SYT1: variants seen among roughly 807,000 people sequenced by gnomAD.
SYT1 encodes the protein synaptotagmin-1.
SYT1 carries 8 observed loss-of-function variants against 44.8 expected under a neutral mutation model. The observed-to-expected ratio is 0.18, with a 90% confidence interval of 0.10 to 0.32. The LOEUF (loss-of-function observed/expected upper bound fraction) is 0.32. SYT1 is among the 10% of genes least tolerant of loss of function. SYT1 has a pLI of 1.00. For missense variants in SYT1, 286 were observed against 509.3 expected (o/e 0.56, Z 4.22); for synonymous variants, 154 against 188.8 (o/e 0.82, Z 1.51).
chr12:79,313,363 C>A (rs1005142448), intron 8 of SYT1, among the ~76,000 whole-genome samples: 2 of 152,114 alleles, frequency 1.3e-5, no homozygotes, highest in Non-Finnish European at 2.9e-5. Context: ...CTGAGGCAGA[C>A]CAAAGGTAAA....
At chr12:79,179,332 AGATAT>A (rs1198913954) in intron 3 of SYT1, among the ~76,000 whole-genome samples, 8 of 118,888 alleles carry the variant, frequency 6.7e-5, no homozygotes, top group African/African-American at 2.0e-4. Context: ...ATATAGATAT[AGATAT>A]ATCGATATGT....
chr12:79,119,243 G>T (rs896986125), intron 3 of SYT1, among the ~76,000 whole-genome samples: 2 of 152,076 alleles, frequency 1.3e-5, no homozygotes, highest in Non-Finnish European at 2.9e-5. Flanking sequence ...CCTGAACTTT[G>T]TCCTCCATAC....
chr12:79,286,645 C>G (rs943546808), intron 5 of SYT1, among the ~76,000 whole-genome samples: 1 of 152,118 alleles, frequency 6.6e-6, no homozygotes, highest in African/African-American at 2.4e-5. Flanking sequence ...GCTGGGTTAT[C>G]TTTCCAAGCC....
chr12:79,246,161 GA>G (rs1164637503), intron 4 of SYT1, among the ~76,000 whole-genome samples: 1 of 152,092 alleles, frequency 6.6e-6, no homozygotes, highest in African/African-American at 2.4e-5. Context: ...TCTTAATGAA[GA>G]ACAGAATCTG....
chr12:78,936,027 C>G (rs1239869245), intron 1 of SYT1, among the ~76,000 whole-genome samples: 1 of 151,956 alleles, frequency 6.6e-6, no homozygotes, highest in Non-Finnish European at 1.5e-5. Flanking sequence ...ATAGCCAAGG[C>G]AAGCCTTTGG....
chr12:78,953,531 T>C (rs988379883), intron 1 of SYT1, among the ~76,000 whole-genome samples: 9 of 152,114 alleles, frequency 5.9e-5, no homozygotes, highest in Admixed American at 5.9e-4. Flanking sequence ...CTTGCCCCGT[T>C]TAAGGAGCTT....
At chr12:79,219,426 A>T (rs1370491062) in intron 4 of SYT1, among the ~76,000 whole-genome samples, 1 of 152,040 alleles carries the variant, frequency 6.6e-6, no homozygotes, top group Non-Finnish European at 1.5e-5. Flanking sequence ...GTTATTGTCA[A>T]GACCATGTCA....
intron 2 of SYT1, among the ~76,000 whole-genome samples, chr12:78,996,918 A>G (rs1468646617): frequency 2.0e-5 from 3 of 152,242 alleles, no homozygotes; most frequent in Non-Finnish European, 2.9e-5. Flanking sequence ...GGTAAGTCAT[A>G]GAAACCATGT....
At chr12:78,929,951 T>C (rs1028979719) in intron 1 of SYT1, among the ~76,000 whole-genome samples, 1 of 152,128 alleles carries the variant, frequency 6.6e-6, no homozygotes, top group African/African-American at 2.4e-5. Flanking sequence ...AGAAAGCTCA[T>C]GTTTCTGTGA....
Position 79,362,862 on chromosome 12 carries a change from C to T in SYT1, c.928+9243C>T, listed in dbSNP as rs574401361. ...ATTCTTTGTCAAATTTTCTTTACTA[C>T]TTTACATTTGGGTTGTAAATACGTG... On this transcript the variant is annotated intron_variant, in intron 9 of 10. Transcript: ENST00000261205. 2.0e-5 allele frequency among the ~76,000 whole-genome samples: 3 copies of T among 152,308 alleles called. No homozygotes were observed. The East Asian group carries it at 5.8e-4, about 29-fold the overall frequency.
intron 9 of SYT1, among the ~76,000 whole-genome samples, chr12:79,432,158 C>T (rs892357907): frequency 2.0e-5 from 3 of 151,240 alleles, no homozygotes; most frequent in African/African-American, 7.3e-5. Context: ...ATTATTAATA[C>T]TATAAAATTT....
At chr12:79,204,160 G>A (rs557023355) in intron 3 of SYT1, among the ~76,000 whole-genome samples, 1 of 152,174 alleles carries the variant, frequency 6.6e-6, no homozygotes, top group Non-Finnish European at 1.5e-5. Flanking sequence ...TTTATTTTGT[G>A]AGCATTATAT....
intron 9 of SYT1, among the ~76,000 whole-genome samples, chr12:79,403,839 A>G (rs1037175462): frequency 5.3e-5 from 8 of 152,136 alleles, no homozygotes; most frequent in African/African-American, 1.9e-4. Flanking sequence ...GGGCCCAGGA[A>G]TTTGTGAATA....
At chr12:79,390,796 CTTAA>C (rs1884628351) in intron 9 of SYT1, among the ~76,000 whole-genome samples, 1 of 152,186 alleles carries the variant, frequency 6.6e-6, no homozygotes, top group Admixed American at 6.5e-5. Context: ...GTCCCATTGG[CTTAA>C]TTTTCATGTG....
Position 79,346,009 on chromosome 12 carries a change from A to G in SYT1, c.811-7493A>G, listed in dbSNP as rs186360946. On this transcript the variant is annotated intron_variant, in intron 8 of 10. Transcript: ENST00000261205. ...TCTTCTTACAATTAACATAAATAGA[A>G]TGTCCTTTTAAAATGTCACAGCATT... Among the ~76,000 whole-genome samples the G allele has an allele frequency of 3.0e-3, 461 of 152,318 alleles. 4 individuals are homozygous for G. Among genetic ancestry groups the G allele is most frequent in the Non-Finnish European group, 2.3e-3 (157 of 68,016 alleles).
At chr12:79,056,480 T>C (rs1874953457) in intron 3 of SYT1, among the ~76,000 whole-genome samples, 1 of 152,030 alleles carries the variant, frequency 6.6e-6, no homozygotes, top group Admixed American at 6.6e-5. Flanking sequence ...TTCGTGGCCC[T>C]AGAAGTAGGC....
intron 4 of SYT1, among the ~76,000 whole-genome samples, chr12:79,263,413 TTG>T (rs1289458491): frequency 6.6e-6 from 1 of 152,172 alleles, no homozygotes; most frequent in African/African-American, 2.4e-5. Flanking sequence ...CCACTATATT[TTG>T]TGTTTTATAT....
At chr12:78,930,402 G>A (rs1328713313) in intron 1 of SYT1, among the ~76,000 whole-genome samples, 1 of 151,810 alleles carries the variant, frequency 6.6e-6, no homozygotes, top group Non-Finnish European at 1.5e-5. Context: ...TTCAATCAAA[G>A]TAAAATAGCT....
intron 5 of SYT1, among the ~76,000 whole-genome samples, chr12:79,287,939 A>C (rs985266572): frequency 4.6e-5 from 7 of 152,200 alleles, no homozygotes; most frequent in African/African-American, 1.7e-4. Context: ...TTAGAATTTC[A>C]ACCACTCAAA....
Sources: gnomAD v4.1 joint callset for allele counts (sites outside exome capture counted in the v4.1 genomes callset) on GRCh38, gnomAD v4.1.1 for gene constraint, MANE v1.5 for transcripts, NCBI Gene and HGNC (gene_info 2026-07-23, HGNC 2026-07-21) for gene names.